Variants in PREX2 observed in about 807,000 individuals in gnomAD.
PREX2 encodes the protein phosphatidylinositol 3,4,5-trisphosphate-dependent Rac exchanger 2 protein.
In PREX2, 107 loss-of-function variants were observed where a neutral mutation model predicts 203.2. The ratio of observed to expected loss-of-function variants is 0.53; its 90% confidence interval spans 0.45 to 0.62. The LOEUF (loss-of-function observed/expected upper bound fraction) is 0.62. Ranked by LOEUF, PREX2 falls within the 20% of genes least tolerant of loss-of-function variation. The pLI is 0.00. For synonymous variants in PREX2, 672 were observed against 663.6 expected (o/e 1.01, Z -0.19); for missense variants, 1,777 against 1,955.9 (o/e 0.91, Z 1.72).
intron 37 of PREX2, among the ~76,000 whole-genome samples, chr8:68,198,872 A>T (rs1264369946): frequency 1.3e-5 from 2 of 152,204 alleles, no homozygotes; most frequent in Non-Finnish European, 2.9e-5. Flanking sequence ...ATAATAGGTT[A>T]TCAGTGGTGT....
chr8:68,222,517 A>G (rs529881271), intron 38 of PREX2, among the ~76,000 whole-genome samples: 19 of 152,070 alleles, frequency 1.2e-4, no homozygotes, highest in Non-Finnish European at 2.2e-4. Flanking sequence ...ATTTAAATAT[A>G]TACTTGAATA....
chr8:68,069,270 C>G (rs981468885), intron 12 of PREX2, 134 bp downstream of exon 12: 6 of 566,548 alleles, frequency 1.1e-5, no homozygotes, highest in Non-Finnish European at 1.5e-5. Context: ...AAGCAAGCCT[C>G]TTTATTTATT....
At chr8:67,953,016 C>T (rs1278104235) in intron 1 of PREX2, among the ~76,000 whole-genome samples, 2 of 152,140 alleles carry the variant, frequency 1.3e-5, no homozygotes, top group African/African-American at 4.8e-5. Context: ...GAGTTCGTTA[C>T]TCAGATAACA....
intron 35 of PREX2, among the ~76,000 whole-genome samples, chr8:68,184,772 A>C (rs1447520242): frequency 2.0e-5 from 3 of 152,190 alleles, no homozygotes; most frequent in African/African-American, 7.2e-5. Flanking sequence ...AGTTTGCCAG[A>C]TGAGAAGAAT....
chr8:68,053,383 C>A (rs1338762576), intron 9 of PREX2, 137 bp downstream of exon 9: 3 of 872,488 alleles, frequency 3.4e-6, no homozygotes, highest in Non-Finnish European at 5.3e-6. Flanking sequence ...AAAGTTATTG[C>A]AGTTTTGACA....
chr8:67,966,395 C>T (rs1239850145), intron 1 of PREX2, among the ~76,000 whole-genome samples: 3 of 151,546 alleles, frequency 2.0e-5, no homozygotes, highest in Middle Eastern at 3.4e-3. Flanking sequence ...TGTAATTTCC[C>T]TTAGTACTGA....
At chr8:68,066,477 A>G (rs1293782930) in intron 11 of PREX2, among the ~76,000 whole-genome samples, 17 of 152,068 alleles carry the variant, frequency 1.1e-4, no homozygotes. Context: ...GAGATGTTGA[A>G]CAACTTTTCA....
chr8:68,051,247 A>G (rs1332336018), intron 8 of PREX2, among the ~76,000 whole-genome samples: 1 of 152,110 alleles, frequency 6.6e-6, no homozygotes, highest in Non-Finnish European at 1.5e-5. Flanking sequence ...TGGGAGGGCT[A>G]CACTGTGTTC....
intron 37 of PREX2, among the ~76,000 whole-genome samples, chr8:68,205,584 A>G (rs964705828): frequency 3.9e-5 from 6 of 152,222 alleles, no homozygotes; most frequent in Non-Finnish European, 5.9e-5. Context: ...ATTAGTCCTC[A>G]GATGTACAAT....
In PREX2 at chr8:68,231,709, C is replaced by T. The variant is rs1205873991; in HGVS notation, c.*331C>T. ...TTAAAAATTAACCACCATGCCTCCT[C>T]TCCCATTCATTAAAATGGTTTTATT... On this transcript the variant is annotated 3_prime_UTR_variant, in exon 40 of 40. Transcript: ENST00000288368. The T allele has an allele frequency of 1.7e-5, 4 of 229,356 alleles. No homozygotes were observed. The highest frequency in any genetic ancestry group is 3.4e-5 in the Non-Finnish European group (4 of 117,788). 14.2% of individuals were successfully genotyped at this position (229,356 alleles called of 1,614,324 possible).
chr8:68,081,212 A>G (rs763916334), intron 17 of PREX2, among the ~76,000 whole-genome samples: 19 of 152,100 alleles, frequency 1.2e-4, no homozygotes, highest in Non-Finnish European at 2.6e-4. Flanking sequence ...GTCATAAGGT[A>G]TGGTCAACAT....
rs1165147625 is a variant in PREX2 at position 68,095,547 on chromosome 8, GTGTGTGTGTGTATCTA to G, written c.2369-1458_2369-1443del. ...TACATACATACATATATGTGTGTGT[GTGTGTGTGTGTATCTA>G]TGTGTGTGTGTGTGTGTGTATATGT... is the stretch of plus-strand genomic sequence containing the variant. On this transcript the variant is annotated intron_variant, in intron 21 of 39. Transcript: ENST00000288368. Among the ~76,000 whole-genome samples the G allele has an allele frequency of 2.1e-5, 3 of 145,874 alleles. No individual in the cohort carries two copies. In the Admixed American group the frequency reaches 2.1e-4, roughly 10 times the overall value.
At chr8:68,105,727 A>G (rs1810391283) in intron 23 of PREX2, 1 of 140,896 alleles carries the variant, frequency 7.1e-6, no homozygotes, top group Non-Finnish European at 1.2e-5. Context: ...ATATATACAC[A>G]CACATATATA....
intron 21 of PREX2, among the ~76,000 whole-genome samples, chr8:68,094,735 C>G (rs1563542128): frequency 1.3e-5 from 2 of 152,174 alleles, no homozygotes. Flanking sequence ...TTCCCCCATA[C>G]CAACCAATTC....
intron 35 of PREX2, among the ~76,000 whole-genome samples, chr8:68,172,845 C>T (rs561848506): frequency 6.6e-6 from 1 of 152,314 alleles, no homozygotes; most frequent in African/African-American, 2.4e-5. Context: ...TTGCATCCAG[C>T]TCTTCCTCAA....
chr8:68,145,971 A>T (rs556854086), intron 33 of PREX2, among the ~76,000 whole-genome samples: 91 of 152,198 alleles, frequency 6.0e-4, no homozygotes, highest in African/African-American at 2.1e-3. Context: ...AAAGTGTAAC[A>T]AAGTTTCCTA....
intron 1 of PREX2, among the ~76,000 whole-genome samples, chr8:68,008,998 C>G (rs899300982): frequency 3.3e-5 from 5 of 152,216 alleles, no homozygotes; most frequent in Admixed American, 3.3e-4. Context: ...AAAACAAGTT[C>G]ATGTTAATTG....
At chr8:68,031,554 A>G (rs1365378209) in intron 6 of PREX2, among the ~76,000 whole-genome samples, 2 of 152,192 alleles carry the variant, frequency 1.3e-5, no homozygotes, top group African/African-American at 2.4e-5. Context: ...TCACCCAGAT[A>G]TGCAAAGAAA....
At chr8:67,966,616 A>T (rs1027922131) in intron 1 of PREX2, among the ~76,000 whole-genome samples, 7 of 152,138 alleles carry the variant, frequency 4.6e-5, no homozygotes, top group Non-Finnish European at 1.0e-4. Context: ...AACAAACAAC[A>T]AAAAACAACA....
Sources: gnomAD v4.1 joint callset for allele counts (sites outside exome capture counted in the v4.1 genomes callset) on GRCh38, gnomAD v4.1.1 for gene constraint, MANE v1.5 for transcripts, NCBI Gene and HGNC (gene_info 2026-07-23, HGNC 2026-07-21) for gene names.